FAM53B: variants seen among roughly 807,000 people sequenced by gnomAD.
FAM53B encodes the protein protein FAM53B.
In FAM53B, 12 loss-of-function variants were observed where a neutral mutation model predicts 32.7. The ratio of observed to expected loss-of-function variants is 0.37; its 90% CI spans 0.24 to 0.59. The LOEUF is 0.59. Ranked by LOEUF, FAM53B falls within the 20% of genes least tolerant of loss-of-function variation. The pLI is 0.72. For synonymous variants in FAM53B, 234 were observed against 228.7 expected (o/e 1.02, Z -0.21); for missense variants, 477 against 577.7 (o/e 0.83, Z 1.79).
chr10:124,624,650 C>A (rs536558666), intron 4 of FAM53B, among the ~76,000 whole-genome samples: 1 of 152,138 alleles, frequency 6.6e-6, no homozygotes, highest in African/African-American at 2.4e-5. Flanking sequence ...CCTGCCCGAG[C>A]GGCAGGCAGA....
intron 4 of FAM53B, among the ~76,000 whole-genome samples, chr10:124,655,793 C>T (rs1359572763): frequency 7.2e-5 from 11 of 152,250 alleles, no homozygotes; most frequent in African/African-American, 2.7e-4. Flanking sequence ...CTCTGTCCCA[C>T]TACCCATGCT....
intron 4 of FAM53B, among the ~76,000 whole-genome samples, chr10:124,652,949 C>CA (rs915826344): frequency 6.6e-6 from 1 of 152,198 alleles, no homozygotes; most frequent in Non-Finnish European, 1.5e-5. Context: ...GAGCTGTAGA[C>CA]AAAATGGCCC....
At chr10:124,701,869 ATCTT>A (rs374591166) in intron 2 of FAM53B, among the ~76,000 whole-genome samples, 1 of 152,330 alleles carries the variant, frequency 6.6e-6, no homozygotes, top group East Asian at 1.9e-4. Flanking sequence ...TTTTTCCCAC[ATCTT>A]TCTTTGAGGG....
chr10:124,724,102 G>A (rs1175950993), intron 1 of FAM53B, among the ~76,000 whole-genome samples: 5 of 152,186 alleles, frequency 3.3e-5, no homozygotes, highest in East Asian at 3.9e-4. Context: ...TGTGTCATAC[G>A]ATAATAAATC....
chr10:124,715,515 C>A (rs1230887332), intron 1 of FAM53B, among the ~76,000 whole-genome samples: 2 of 152,222 alleles, frequency 1.3e-5, no homozygotes, highest in African/African-American at 4.8e-5. Flanking sequence ...CCCACTGCCA[C>A]CCTGTCCTTC....
At chr10:124,707,463 C>T (rs1288801533) in intron 1 of FAM53B, among the ~76,000 whole-genome samples, 1 of 152,182 alleles carries the variant, frequency 6.6e-6, no homozygotes. Flanking sequence ...TTTGGCCAGG[C>T]ACGGTGGCTC....
Position 124,623,199 on chromosome 10 carries a change from G to C in FAM53B, c.*43C>G. ...CCACCTAGTGCCCAGAGTGGGGGCT[G>C]TCGATGCCAGCACACCCCAGCCCTG... On this transcript the variant is annotated 3_prime_UTR_variant, in exon 5 of 5. Transcript: ENST00000337318. 2.6e-6 allele frequency: 4 copies of C among 1,531,134 alleles called. No individual in the cohort carries two copies. The highest frequency in any genetic ancestry group is 2.8e-5 in the African/African-American group (2 of 72,506). The allele number at this position is 1,531,134 out of a possible 1,614,324, so 94.8% of individuals were successfully genotyped here. A position where few individuals can be genotyped will look rare whatever the true frequency, so the allele number is the denominator to read the frequency against.
chr10:124,695,435 T>C (rs1404237079), intron 3 of FAM53B, among the ~76,000 whole-genome samples: 1 of 152,204 alleles, frequency 6.6e-6, no homozygotes, highest in Non-Finnish European at 1.5e-5. Context: ...GGAAGGCATG[T>C]CAGCAAAATG....
At position 124,619,679 on chromosome 10, in the gene FAM53B, T is replaced by C. The variant is rs1261386691; in HGVS notation, c.*3563A>G. On this transcript the variant is annotated 3_prime_UTR_variant, in exon 5 of 5. Transcript: ENST00000337318. ...TTAAAAAAAAAAAAAATCTTTCTCT[T>C]CTTTTCTCTTTAAAGAGGCATGACA... is the stretch of plus-strand genomic sequence containing the variant. 6.6e-6 allele frequency: 1 copy of C among 152,550 alleles called. No homozygotes were observed. Among genetic ancestry groups the C allele is most frequent in the Non-Finnish European group, 1.5e-5 (1 of 68,038 alleles). The allele number at this position is 152,550 out of a possible 1,614,324, so 9.4% of individuals were successfully genotyped here. A position where few individuals can be genotyped will look rare whatever the true frequency, so the allele number is the denominator to read the frequency against.
At chr10:124,725,056 G>C (rs188532327) in intron 1 of FAM53B, among the ~76,000 whole-genome samples, 2 of 152,160 alleles carry the variant, frequency 1.3e-5, no homozygotes, top group African/African-American at 4.8e-5. Context: ...AGTAGAAGGG[G>C]GAACACTCCT....
intron 3 of FAM53B, among the ~76,000 whole-genome samples, chr10:124,693,680 T>C (rs1463049903): frequency 6.6e-6 from 1 of 152,088 alleles, no homozygotes; most frequent in Admixed American, 6.5e-5. Flanking sequence ...GGATGTGTGC[T>C]AGTGTGTGGC....
At chr10:124,686,727 T>C (rs770458471) in intron 3 of FAM53B, among the ~76,000 whole-genome samples, 14 of 152,200 alleles carry the variant, frequency 9.2e-5, no homozygotes, top group Non-Finnish European at 1.5e-4. Flanking sequence ...CAGACCTTAG[T>C]TGGTGGTGCA....
intron 4 of FAM53B, among the ~76,000 whole-genome samples, chr10:124,661,058 A>T (rs1163066599): frequency 1.7e-3 from 24 of 14,194 alleles, no homozygotes; most frequent in South Asian, 4.0e-3. Flanking sequence ...ACTGAAATTA[A>T]AAAAAAAAAA....
chr10:124,670,939 T>C (rs1171415763), intron 4 of FAM53B, among the ~76,000 whole-genome samples: 1 of 152,206 alleles, frequency 6.6e-6, no homozygotes, highest in Non-Finnish European at 1.5e-5. Flanking sequence ...CCTAGCTGAA[T>C]GCCAGGTGGC....
At chr10:124,710,709 C>G (rs1949995974) in intron 1 of FAM53B, among the ~76,000 whole-genome samples, 1 of 152,248 alleles carries the variant, frequency 6.6e-6, no homozygotes, top group African/African-American at 2.4e-5. Flanking sequence ...TTCTCTTAAC[C>G]TATATCAAGA....
At chr10:124,627,538 G>A (rs1271008916) in intron 4 of FAM53B, among the ~76,000 whole-genome samples, 1 of 150,996 alleles carries the variant, frequency 6.6e-6, no homozygotes, top group African/African-American at 2.4e-5. Context: ...CCCCAGCCCT[G>A]GGCTGGGCCA....
intron 4 of FAM53B, among the ~76,000 whole-genome samples, chr10:124,664,993 T>C (rs950592392): frequency 1.3e-5 from 2 of 152,178 alleles, no homozygotes; most frequent in Non-Finnish European, 2.9e-5. Context: ...CCTGATGAAC[T>C]TTCCCCTCCT....
chr10:124,669,989 C>T (rs568028974), intron 4 of FAM53B, among the ~76,000 whole-genome samples: 3 of 151,526 alleles, frequency 2.0e-5, no homozygotes, highest in South Asian at 4.2e-4. Context: ...ACCACACACC[C>T]GAGGGAGGAC....
intron 4 of FAM53B, among the ~76,000 whole-genome samples, chr10:124,667,986 A>AGCCCCACACCAG (rs1170895138): frequency 6.6e-6 from 1 of 152,156 alleles, no homozygotes; most frequent in East Asian, 1.9e-4. Context: ...GGGCACACCA[A>AGCCCCACACCAG]GCCCCACACC....
Sources: allele counts gnomAD v4.1 joint callset (sites outside exome capture counted in the v4.1 genomes callset), GRCh38; gene constraint gnomAD v4.1.1; transcripts MANE v1.5; gene names NCBI Gene and HGNC (gene_info 2026-07-23, HGNC 2026-07-21).